PNPLA5: variants seen among roughly 807,000 people sequenced by gnomAD.
The protein encoded by PNPLA5 is patatin-like phospholipase domain-containing protein 5.
PNPLA5 carries 44 observed loss-of-function variants against 49.1 expected under a neutral mutation model. The ratio of observed to expected loss-of-function variants is 0.90; its 90% CI spans 0.70 to 1.15. The LOEUF (loss-of-function observed/expected upper bound fraction) is 1.15. PNPLA5 is among the 50% of genes most tolerant of loss of function. PNPLA5 has a pLI of 0.00. For missense variants in PNPLA5, 603 were observed against 564.0 expected, an observed-to-expected ratio of 1.07 and a Z score of -0.70; for synonymous variants, 243 against 244.4, an observed-to-expected ratio of 0.99 and a Z score of 0.06.
intron 5 of PNPLA5, among the ~76,000 whole-genome samples, chr22:43,887,289 T>C (rs2049675248): frequency 6.6e-6 from 1 of 152,176 alleles, no homozygotes; most frequent in Admixed American, 6.5e-5. Context: ...ACCCCCAGGC[T>C]GAGTCCAATG....
chr22:43,890,556 G>A (rs949847866), intron 2 of PNPLA5, among the ~76,000 whole-genome samples: 1 of 152,156 alleles, frequency 6.6e-6, no homozygotes, highest in African/African-American at 2.4e-5. Context: ...ATACTGGATG[G>A]TTCCTTACCT....
intron 5 of PNPLA5, among the ~76,000 whole-genome samples, chr22:43,886,761 C>A (rs1342020669): frequency 6.6e-6 from 1 of 152,172 alleles, no homozygotes; most frequent in African/African-American, 2.4e-5. Context: ...AGCTATGTGA[C>A]CCAATGCCCT....
At chr22:43,890,962 C>T (rs1603413095) in intron 2 of PNPLA5, 100 bp downstream of exon 2, 9 of 1,439,750 alleles carry the variant, frequency 6.3e-6, no homozygotes, top group East Asian at 2.5e-5. Flanking sequence ...TCCCTCCTTC[C>T]GCCCCTGCAG....
chr22:43,887,677 G>A, intron 4 of PNPLA5, 26 bp from the exon 5 acceptor site: 1 of 1,585,444 alleles, frequency 6.3e-7, no homozygotes, highest in Non-Finnish European at 8.6e-7. Context: ...GCAAGGGTGA[G>A]ATGGGCAAGG....
chr22:43,884,884 A>G (rs1293969151), intron 6 of PNPLA5, among the ~76,000 whole-genome samples: 1 of 152,192 alleles, frequency 6.6e-6, no homozygotes, highest in Middle Eastern at 3.2e-3. Flanking sequence ...GCCTCCAGAC[A>G]CAGCCCAGGC....
chr22:43,880,949 T>TG, intron 8 of PNPLA5, 64 bp from the exon 9 acceptor site: 1 of 1,289,316 alleles, frequency 7.8e-7, no homozygotes, highest in East Asian at 2.9e-5. Flanking sequence ...TGAAACCACG[T>TG]GGGTGCAGGC....
Position 43,884,309 on chromosome 22 carries a change from C to T in PNPLA5, c.986G>A (p.Trp329Ter), listed in dbSNP as rs1236773797. 6.3e-7 allele frequency: 1 copy of T among 1,598,588 alleles called. No individual in the cohort carries two copies. Among genetic ancestry groups the T allele is most frequent in the East Asian group, 2.3e-5 (1 of 43,114 alleles). The change falls in exon 7 of 9, where the codon TGG becomes TAG. Residue 329 changes from tryptophan to a stop codon, truncating the protein, a stop_gained. Coordinates refer to ENST00000216177, the MANE Select transcript of PNPLA5 (RefSeq NM_138814.4). LOFTEE classifies it high-confidence loss of function. ...KKACTRDPSR[W>*]ARFWHSGPGQ... ...AGGCCCCGAGTGCCAGAAGCGGGCCCACCGGCTGGGATCCCTCGTACATGC... is the reference window on the plus strand; with the variant it reads ...AGGCCCCGAGTGCCAGAAGCGGGCCTACCGGCTGGGATCCCTCGTACATGC...
In PNPLA5 at chr22:43,886,409, GCCAGCATC is replaced by G; in HGVS notation, c.835_842del (p.Asp279LeufsTer2). 6.2e-7 allele frequency: 1 copy of G among 1,614,172 alleles called. No homozygotes were observed. Among genetic ancestry groups the G allele is most frequent in the Non-Finnish European group, 8.5e-7 (1 of 1,180,026 alleles). The stretch of plus-strand genomic sequence containing the variant: ...GGCCCCCCTTCCAGCGTTGGTCACA[GCCAGCATC>G]CCAGTTTCCGTCAGCCGGGGCTGGG... On this transcript the variant is annotated frameshift_variant, in exon 6 of 9. Transcript: ENST00000216177. LOFTEE classifies it high-confidence loss of function.
At chr22:43,889,308 C>G in intron 4 of PNPLA5, 21 bp downstream of exon 4, 1 of 1,612,522 alleles carries the variant, frequency 6.2e-7, no homozygotes, top group African/African-American at 1.3e-5. Context: ...GCCTCTAACA[C>G]CATCACAGGG....
Position 43,880,099 on chromosome 22 carries a change from G to C in PNPLA5, c.*696C>G. Reference sequence around the variant, plus strand: ...GAGAGGCCAGAGGCCTGGTGTCCCTGGCATCCTCTCTGCCCCAGGTACAGG... The same window carrying C: ...GAGAGGCCAGAGGCCTGGTGTCCCTCGCATCCTCTCTGCCCCAGGTACAGG... On this transcript the variant is annotated 3_prime_UTR_variant, in exon 9 of 9. Coordinates refer to ENST00000216177, the MANE Select transcript of PNPLA5 (RefSeq NM_138814.4). The C allele has an allele frequency of 4.1e-6, 1 of 241,514 alleles. No homozygotes were observed. Among genetic ancestry groups the C allele is most frequent in the Non-Finnish European group, 7.9e-6 (1 of 126,714 alleles). 15.0% of individuals were successfully genotyped at this position (241,514 alleles called of 1,614,324 possible).
At chr22:43,883,545 C>T (rs1441003858) in intron 7 of PNPLA5, among the ~76,000 whole-genome samples, 9 of 152,256 alleles carry the variant, frequency 5.9e-5, no homozygotes, top group Admixed American at 6.5e-5. Flanking sequence ...AGCGGTGGCT[C>T]ATGCCTGTCA....
chr22:43,886,676 A>G (rs774783555), intron 5 of PNPLA5, 188 bp from the exon 6 acceptor site: 1 of 911,646 alleles, frequency 1.1e-6, no homozygotes, highest in Non-Finnish European at 1.3e-6. Context: ...CTCCCTGCCC[A>G]CTTTCGAGTG....
chr22:43,890,814 G>T (rs1185856312), intron 2 of PNPLA5, among the ~76,000 whole-genome samples: 1 of 152,326 alleles, frequency 6.6e-6, no homozygotes, highest in Non-Finnish European at 1.5e-5. Context: ...TCCCTGTGGG[G>T]GCCCTGACTC....
At chr22:43,890,153 C>T (rs1272044168) in intron 2 of PNPLA5, 2 of 855,082 alleles carry the variant, frequency 2.3e-6, no homozygotes, top group East Asian at 2.5e-4. Flanking sequence ...GCCCAGACTC[C>T]TTGCCTGTGT....
chr22:43,884,974 C>A (rs574165660), intron 6 of PNPLA5, among the ~76,000 whole-genome samples: 211 of 152,342 alleles, frequency 1.4e-3, no homozygotes, highest in African/African-American at 4.9e-3. Context: ...ATAGCACAGG[C>A]CAGAGACCCT....
intron 7 of PNPLA5, among the ~76,000 whole-genome samples, chr22:43,882,161 C>T (rs552112679): frequency 1.3e-4 from 20 of 152,314 alleles, no homozygotes; most frequent in Admixed American, 1.2e-3. Flanking sequence ...CATGCCCCTT[C>T]GTCCACTCTC....
At chr22:43,890,941 T>G in intron 2 of PNPLA5, 121 bp downstream of exon 2, 4 of 1,306,198 alleles carry the variant, frequency 3.1e-6, no homozygotes, top group Non-Finnish European at 4.2e-6. Flanking sequence ...TACAAACAGG[T>G]CCACCCGCCC....
intron 7 of PNPLA5, 144 bp downstream of exon 7, chr22:43,884,069 A>G (rs973200324): frequency 1.4e-6 from 1 of 692,532 alleles, no homozygotes; most frequent in African/African-American, 1.8e-5. Flanking sequence ...CATGCAGTCA[A>G]CACCACACAG....
In PNPLA5 at chr22:43,884,514, CGTT is replaced by C. The variant is rs112975775; in HGVS notation, c.950-172_950-170del. The stretch of plus-strand genomic sequence containing the variant: ...GGCCAGCAGGTAGCTCTGCGCTCAT[CGTT>C]GTCCGTGAGACAAGGGGTGTATGCC... On this transcript the variant is annotated intron_variant, in intron 6 of 8. Transcript: ENST00000216177. 2.0e-3 allele frequency: 1,270 copies of C among 645,702 alleles called. 19 individuals are homozygous for C. In the African/African-American group the frequency reaches 0.024, roughly 12 times the overall value. The allele number at this position is 645,702 out of a possible 1,614,324, so 40.0% of individuals were successfully genotyped here.
Sources: allele counts gnomAD v4.1 joint callset (sites outside exome capture counted in the v4.1 genomes callset), GRCh38; gene constraint gnomAD v4.1.1; transcripts MANE v1.5; gene names NCBI Gene and HGNC (gene_info 2026-07-23, HGNC 2026-07-21).